The following OSBPL6 variants were observed in gnomAD, a reference collection of about 807,000 sequenced individuals.
OSBPL6 encodes oxysterol-binding protein-related protein 6.
In OSBPL6, 49 loss-of-function variants were observed where a neutral mutation model predicts 125.8. That is an observed-to-expected ratio of 0.39 (90% CI 0.31 to 0.49). OSBPL6 has a LOEUF of 0.49. Among genes scored for constraint, OSBPL6 ranks in the 20% least tolerant of loss-of-function variants. The pLI, the probability that OSBPL6 is intolerant of heterozygous loss-of-function variation, is 0.88. For synonymous variants in OSBPL6, 394 were observed against 391.8 expected (o/e 1.01, Z -0.07); for missense variants, 986 against 1,135.4 (o/e 0.87, Z 1.89).
intron 1 of OSBPL6, among the ~76,000 whole-genome samples, chr2:178,252,493 C>T (rs2091731947): frequency 6.6e-6 from 1 of 152,112 alleles, no homozygotes; most frequent in Middle Eastern, 3.4e-3. Context: ...ATTGCCCAAA[C>T]CAAAACATTT....
At chr2:178,219,339 G>T (rs1248194661) in intron 1 of OSBPL6, among the ~76,000 whole-genome samples, 1 of 152,166 alleles carries the variant, frequency 6.6e-6, no homozygotes, top group Non-Finnish European at 1.5e-5. Flanking sequence ...AAGCAGTACA[G>T]CTTACTGAAA....
At chr2:178,260,650 T>C (rs1201476769) in intron 1 of OSBPL6, among the ~76,000 whole-genome samples, 1 of 152,180 alleles carries the variant, frequency 6.6e-6, no homozygotes, top group Non-Finnish European at 1.5e-5. Context: ...GTTAGGAAAT[T>C]TTACCTTTAA....
intron 3 of OSBPL6, among the ~76,000 whole-genome samples, chr2:178,312,881 C>T (rs1687413353): frequency 6.6e-6 from 1 of 151,860 alleles, no homozygotes; most frequent in African/African-American, 2.4e-5. Context: ...TACTTTTATG[C>T]TTACATTTCT....
At chr2:178,261,208 T>C (rs2092049751) in intron 1 of OSBPL6, among the ~76,000 whole-genome samples, 1 of 152,060 alleles carries the variant, frequency 6.6e-6, no homozygotes, top group Non-Finnish European at 1.5e-5. Context: ...ATATAAAGTT[T>C]AAAACTGGAA....
At chr2:178,356,942 A>G (rs1037507171) in intron 12 of OSBPL6, among the ~76,000 whole-genome samples, 1 of 152,234 alleles carries the variant, frequency 6.6e-6, no homozygotes, top group Non-Finnish European at 1.5e-5. Context: ...CCACACATCT[A>G]CAACCATCTG....
At chr2:178,269,478 A>G (rs2092324560) in intron 1 of OSBPL6, among the ~76,000 whole-genome samples, 1 of 152,232 alleles carries the variant, frequency 6.6e-6, no homozygotes, top group Non-Finnish European at 1.5e-5. Context: ...ACATTTTTCT[A>G]AAGTGGTCAT....
chr2:178,253,319 C>A (rs1000741800), intron 1 of OSBPL6, among the ~76,000 whole-genome samples: 1 of 152,086 alleles, frequency 6.6e-6, no homozygotes, highest in East Asian at 1.9e-4. Context: ...CTGTGCCCAG[C>A]CTTAAACCAC....
At chr2:178,263,505 GGAA>G (rs1213017827) in intron 1 of OSBPL6, among the ~76,000 whole-genome samples, 9 of 152,178 alleles carry the variant, frequency 5.9e-5, no homozygotes, top group African/African-American at 1.2e-4. Flanking sequence ...TGTCAGAGCT[GGAA>G]GAAGATTTGC....
chr2:178,400,992 A>C lies in OSBPL6; in HGVS notation c.*5433A>C, dbSNP rs938748894. 1 of 152,262 alleles carries C rather than the reference A, an allele frequency of 6.6e-6. No individual in the cohort carries two copies. The highest frequency in any genetic ancestry group is 2.4e-5 in the African/African-American group (1 of 41,470). The allele number at this position is 152,262 out of a possible 1,614,324, so 9.4% of individuals were successfully genotyped here. ...TTAGATTTTCCCCCAAAAATGAAAA[A>C]AAATTATTTAAAAAATTTAGATTTG... is the stretch of plus-strand genomic sequence containing the variant. On this transcript the variant is annotated 3_prime_UTR_variant, in exon 25 of 25. Transcript: ENST00000190611.
chr2:178,233,889 A>G lies in OSBPL6; in HGVS notation c.-351+39215A>G, dbSNP rs566598445. Among the ~76,000 whole-genome samples the G allele has an allele frequency of 4.0e-3, 608 of 152,302 alleles. 5 individuals are homozygous for G. Among genetic ancestry groups the G allele is most frequent in the African/African-American group, 0.014 (564 of 41,564 alleles). ...AGCACTAGTAATTATCATTAGTAAT[A>G]TTATTCACAGTAGACACAATTCTAG... is the stretch of plus-strand genomic sequence containing the variant. On this transcript the variant is annotated intron_variant, in intron 1 of 24. Transcript: ENST00000190611.
At chr2:178,203,568 A>G (rs1406329927) in intron 1 of OSBPL6, among the ~76,000 whole-genome samples, 2 of 152,132 alleles carry the variant, frequency 1.3e-5, no homozygotes, top group Admixed American at 1.3e-4. Context: ...CTGGGTCAGG[A>G]TCTCCTTACC....
chr2:178,367,133 G>T (rs891570891), intron 13 of OSBPL6, among the ~76,000 whole-genome samples: 7 of 152,054 alleles, frequency 4.6e-5, no homozygotes, highest in Non-Finnish European at 8.8e-5. Context: ...AGAATAAGGG[G>T]CAGATACAGT....
intron 1 of OSBPL6, among the ~76,000 whole-genome samples, chr2:178,235,387 TC>T (rs2091007263): frequency 2.3e-5 from 3 of 130,668 alleles, no homozygotes; most frequent in East Asian, 2.1e-4. Flanking sequence ...CTTTCCTTTT[TC>T]TTTTCTTTTC....
At chr2:178,241,381 G>A (rs2091285992) in intron 1 of OSBPL6, among the ~76,000 whole-genome samples, 3 of 150,748 alleles carry the variant, frequency 2.0e-5, no homozygotes, top group Admixed American at 2.0e-4. Flanking sequence ...CAAAGTGATG[G>A]GATTACAGGT....
intron 11 of OSBPL6, among the ~76,000 whole-genome samples, chr2:178,347,038 T>G (rs1690785372): frequency 6.6e-6 from 1 of 152,246 alleles, no homozygotes; most frequent in Admixed American, 6.5e-5. Context: ...AATTTAAGTT[T>G]CCATTGTGTT....
At chr2:178,374,113 G>C in intron 15 of OSBPL6, 86 bp downstream of exon 15, 1 of 1,460,944 alleles carries the variant, frequency 6.8e-7, no homozygotes, top group Non-Finnish European at 9.3e-7. Context: ...ACTTTTTGGT[G>C]ATTACTTTCA....
chr2:178,267,817 C>CAA (rs71023437), intron 1 of OSBPL6, among the ~76,000 whole-genome samples: 1 of 132,968 alleles, frequency 7.5e-6, no homozygotes, highest in Admixed American at 7.4e-5. Flanking sequence ...CAAGTAATTG[C>CAA]AAAAAAAAAA....
intron 1 of OSBPL6, among the ~76,000 whole-genome samples, chr2:178,261,189 T>A (rs1236259390): frequency 6.6e-6 from 1 of 152,036 alleles, no homozygotes; most frequent in African/African-American, 2.4e-5. Context: ...AAACCCCTGA[T>A]GCTTATCTAT....
chr2:178,336,438 G>A lies in OSBPL6; in HGVS notation c.790+5G>A, dbSNP rs752598946. Reference sequence around the variant, plus strand: ...AGATGGACAGGTGTGCAGAAGGTTAGTTCTTGCCCAGTGTGGCCTGAGAGT... The same window carrying A: ...AGATGGACAGGTGTGCAGAAGGTTAATTCTTGCCCAGTGTGGCCTGAGAGT... On this transcript the variant is annotated splice_donor_5th_base_variant and intron_variant, in intron 9 of 24. Coordinates refer to ENST00000190611, the MANE Select transcript of OSBPL6 (RefSeq NM_032523.4). 6.2e-7 allele frequency: 1 copy of A among 1,613,310 alleles called. No individual in the cohort carries two copies. Among genetic ancestry groups the A allele is most frequent in the Non-Finnish European group, 8.5e-7 (1 of 1,179,722 alleles).
Sources: allele counts gnomAD v4.1 joint callset (sites outside exome capture counted in the v4.1 genomes callset), GRCh38; gene constraint gnomAD v4.1.1; transcripts MANE v1.5; gene names NCBI Gene and HGNC (gene_info 2026-07-23, HGNC 2026-07-21).